Variants in LOXL2 observed in about 807,000 individuals in gnomAD.
The protein encoded by LOXL2 is lysyl oxidase homolog 2.
In LOXL2, 70 loss-of-function variants were observed where a neutral mutation model predicts 93.0. That is an observed-to-expected ratio of 0.75 (90% confidence interval 0.62 to 0.92). The LOEUF is 0.92. Ranked by LOEUF, LOXL2 falls within the 40% of genes least tolerant of loss-of-function variation. The pLI is 0.00. For missense variants in LOXL2, 973 were observed against 1,054.9 expected, an observed-to-expected ratio of 0.92 and a Z score of 1.08; for synonymous variants, 438 against 413.2, an observed-to-expected ratio of 1.06 and a Z score of -0.73.
At chr8:23,388,888 GGGCTGGGTT>G (rs1412010479) in intron 1 of LOXL2, among the ~76,000 whole-genome samples, 1 of 152,098 alleles carries the variant, frequency 6.6e-6, no homozygotes, top group African/African-American at 2.4e-5. Context: ...CTGGGGAAGA[GGGCTGGGTT>G]GGAGGGAGAG....
rs180672072 is a variant in LOXL2 at position 23,300,897 on chromosome 8, C to T, written c.2133+1130G>A. Among the ~76,000 whole-genome samples, 3 of 152,334 alleles carry T rather than the reference C, an allele frequency of 2.0e-5. No individual in the cohort carries two copies. The East Asian group carries it at 5.8e-4, about 29-fold the overall frequency. The stretch of plus-strand genomic sequence containing the variant: ...CCAGGCACTGTATACGTGCACATGG[C>T]CACGGCTATTCATCTTTTAAAATAA... On this transcript the variant is annotated intron_variant, in intron 12 of 13. Transcript: ENST00000389131.
chr8:23,308,585 G>A (rs1402033879), intron 10 of LOXL2, among the ~76,000 whole-genome samples: 4 of 152,116 alleles, frequency 2.6e-5, no homozygotes, highest in Non-Finnish European at 4.4e-5. Context: ...TCAGGTCTGA[G>A]CAAAAAAATC....
intron 4 of LOXL2, among the ~76,000 whole-genome samples, chr8:23,339,417 G>A (rs907487300): frequency 2.4e-4 from 37 of 152,114 alleles, no homozygotes; most frequent in African/African-American, 8.7e-4. Context: ...GGGTGGGAGG[G>A]GCAGGATGGG....
At chr8:23,388,661 A>G (rs949972381) in intron 1 of LOXL2, among the ~76,000 whole-genome samples, 6 of 126,358 alleles carry the variant, frequency 4.7e-5, no homozygotes, top group Non-Finnish European at 1.0e-4. Flanking sequence ...ACACACACAC[A>G]CACACACACT....
rs544561622 is a variant in LOXL2 at position 23,328,313 on chromosome 8, C to A, written c.1150+69G>T. 1.9e-6 allele frequency: 3 copies of A among 1,539,396 alleles called. No individual in the cohort carries two copies. The East Asian group carries it at 6.8e-5, about 35-fold the overall frequency. On this transcript the variant is annotated intron_variant, in intron 6 of 13. Coordinates refer to ENST00000389131, the MANE Select transcript of LOXL2 (RefSeq NM_002318.3). ...GGATTTCCCGAGAGCTCACGGCCAG[C>A]AGCCAGGCTGGGCTCACGGCACCAT...
intron 6 of LOXL2, among the ~76,000 whole-genome samples, chr8:23,323,128 G>C (rs1053930202): frequency 1.3e-5 from 2 of 152,204 alleles, no homozygotes; most frequent in Non-Finnish European, 2.9e-5. Flanking sequence ...ACTCATAAAT[G>C]ATGATGCTTC....
intron 1 of LOXL2, among the ~76,000 whole-genome samples, chr8:23,385,109 A>G (rs1474862766): frequency 6.6e-6 from 1 of 151,522 alleles, no homozygotes; most frequent in Non-Finnish European, 1.5e-5. Flanking sequence ...TGCCTGTTTT[A>G]TGTATTTATT....
chr8:23,340,018 A>G (rs7013859), intron 4 of LOXL2, among the ~76,000 whole-genome samples: 3,094 of 152,328 alleles, frequency 0.02, 108 homozygotes, highest in East Asian at 0.13. Flanking sequence ...TGGAAGCCAC[A>G]TCTTTTCTTC....
chr8:23,381,527 TA>T (rs1804680771), intron 1 of LOXL2, among the ~76,000 whole-genome samples: 1 of 152,210 alleles, frequency 6.6e-6, no homozygotes, highest in South Asian at 2.1e-4. Flanking sequence ...CAAAAAAGGG[TA>T]TTTTGTTTTA....
intron 1 of LOXL2, among the ~76,000 whole-genome samples, chr8:23,402,959 C>A (rs1007967494): frequency 6.6e-6 from 1 of 152,080 alleles, no homozygotes; most frequent in Non-Finnish European, 1.5e-5. Context: ...CTCTTCCTCA[C>A]ACCCTCGCCC....
At chr8:23,395,605 A>C (rs1161465639) in intron 1 of LOXL2, among the ~76,000 whole-genome samples, 1 of 152,232 alleles carries the variant, frequency 6.6e-6, no homozygotes, top group Non-Finnish European at 1.5e-5. Context: ...TTTAAAAAAG[A>C]ATCTACTTCG....
chr8:23,322,345 A>T (rs1803510761), intron 6 of LOXL2, 64 bp from the exon 7 acceptor site: 4 of 1,483,044 alleles, frequency 2.7e-6, no homozygotes, highest in Non-Finnish European at 3.7e-6. Flanking sequence ...GAGTGGCAAG[A>T]AAGCCCTGGA....
At chr8:23,388,156 A>C (rs1436087718) in intron 1 of LOXL2, among the ~76,000 whole-genome samples, 1 of 152,206 alleles carries the variant, frequency 6.6e-6, no homozygotes, top group Non-Finnish European at 1.5e-5. Flanking sequence ...TCTGAGTGAT[A>C]CTAAGCTGCA....
intron 4 of LOXL2, among the ~76,000 whole-genome samples, chr8:23,338,260 G>A (rs1392782756): frequency 6.6e-6 from 1 of 152,174 alleles, no homozygotes; most frequent in Non-Finnish European, 1.5e-5. Flanking sequence ...AATTCAAGAT[G>A]AGATTTGGGT....
chr8:23,331,681 C>A (rs1423343877), intron 5 of LOXL2: 2 of 152,150 alleles, frequency 1.3e-5, no homozygotes. Flanking sequence ...CAAGAAGAGA[C>A]AGATAGGGCA....
At chr8:23,357,439 G>A (rs575018179) in intron 3 of LOXL2, among the ~76,000 whole-genome samples, 11 of 152,078 alleles carry the variant, frequency 7.2e-5, no homozygotes, top group Admixed American at 4.6e-4. Flanking sequence ...ATCTTATTTC[G>A]CCCTGGAATT....
intron 2 of LOXL2, chr8:23,364,023 T>G (rs1804351545): frequency 1.3e-5 from 2 of 152,250 alleles, no homozygotes; most frequent in Admixed American, 6.6e-5. Flanking sequence ...CAAAGGCGCA[T>G]GCCACCATGC....
At chr8:23,342,578 C>T (rs1464960883) in intron 3 of LOXL2, among the ~76,000 whole-genome samples, 3 of 151,878 alleles carry the variant, frequency 2.0e-5, no homozygotes, top group Non-Finnish European at 4.4e-5. Context: ...ACTACAGGCG[C>T]ACGCCACCAC....
chr8:23,302,234 C>A, intron 11 of LOXL2, 71 bp from the exon 12 acceptor site: 2 of 1,588,058 alleles, frequency 1.3e-6, no homozygotes, highest in Non-Finnish European at 1.7e-6. Context: ...CTTCCTGCTT[C>A]CAAGGCCCCT....
Sources: gnomAD v4.1 joint callset for allele counts (sites outside exome capture counted in the v4.1 genomes callset) on GRCh38, gnomAD v4.1.1 for gene constraint, MANE v1.5 for transcripts, NCBI Gene and HGNC (gene_info 2026-07-23, HGNC 2026-07-21) for gene names.